The following NRXN1 variants were observed in gnomAD, a reference collection of about 807,000 sequenced individuals.
NRXN1 encodes the protein neurexin 1.
A neutral mutation model predicts 150.9 loss-of-function variants in NRXN1; 39 were observed. The observed-to-expected ratio is 0.26, with a 90% confidence interval of 0.20 to 0.34. The LOEUF (loss-of-function observed/expected upper bound fraction) is 0.34, where lower values mean the gene tolerates loss of function less well. Among genes scored for constraint, NRXN1 ranks in the 10% least tolerant of loss-of-function variants. The probability of loss-of-function intolerance (pLI) is 1.00; values close to 1 mark genes in which losing one functional copy is unlikely to be tolerated. For synonymous variants in NRXN1, 924 were observed against 757.0 expected (o/e 1.22, Z -3.62); for missense variants, 1,815 against 1,949.9 (o/e 0.93, Z 1.30).
chr2:50,304,250 T>C (rs2074415894), intron 17 of NRXN1, among the ~76,000 whole-genome samples: 1 of 152,136 alleles, frequency 6.6e-6, no homozygotes, highest in Non-Finnish European at 1.5e-5. Flanking sequence ...CCCAGAACTG[T>C]GCACATTAGG....
chr2:50,428,289 C>T (rs1039129102), intron 17 of NRXN1, among the ~76,000 whole-genome samples: 1 of 152,114 alleles, frequency 6.6e-6, no homozygotes, highest in African/African-American at 2.4e-5. Flanking sequence ...GTGGCACACA[C>T]CTGTGGTCTC....
chr2:49,980,704 G>A (rs72887814), intron 21 of NRXN1, among the ~76,000 whole-genome samples: 2,954 of 152,226 alleles, frequency 0.019, 102 homozygotes, highest in African/African-American at 0.067. Context: ...TAGGGCACTT[G>A]GCTGAATTGG....
chr2:50,752,520 C>T (rs1442039492), intron 5 of NRXN1, among the ~76,000 whole-genome samples: 3 of 151,880 alleles, frequency 2.0e-5, no homozygotes, highest in Non-Finnish European at 4.4e-5. Flanking sequence ...AGAGATGAAT[C>T]GTGAAGCAAT....
intron 21 of NRXN1, among the ~76,000 whole-genome samples, chr2:50,002,302 A>G (rs534756395): frequency 4.6e-5 from 7 of 152,138 alleles, no homozygotes; most frequent in African/African-American, 7.2e-5. Flanking sequence ...AAGGGAGGAA[A>G]CGAAAAAGCT....
At chr2:50,656,054 T>C (rs1428415070) in intron 5 of NRXN1, among the ~76,000 whole-genome samples, 2 of 151,868 alleles carry the variant, frequency 1.3e-5, no homozygotes, top group Non-Finnish European at 2.9e-5. Flanking sequence ...TCAAAATAAA[T>C]CTGGAATCTA....
intron 5 of NRXN1, among the ~76,000 whole-genome samples, chr2:50,812,456 G>C (rs1428006080): frequency 6.6e-6 from 1 of 152,100 alleles, no homozygotes; most frequent in South Asian, 2.1e-4. Flanking sequence ...TAGAAAATTT[G>C]AGATTTTGGT....
rs1670228922 is a variant in NRXN1 at position 50,568,755 on chromosome 2, A to G, written c.1321-15730T>C. The stretch of plus-strand genomic sequence containing the variant: ...TGGAGTTTCCTCAAAAAAACTAAAA[A>G]TAGAACTACCATATGATCCAGCAAC... On this transcript the variant is annotated intron_variant, in intron 8 of 22. Coordinates refer to ENST00000401669, the MANE Select transcript of NRXN1 (RefSeq NM_001330078.2). Among the ~76,000 whole-genome samples the G allele has an allele frequency of 2.6e-5, 4 of 152,278 alleles. No individual in the cohort carries two copies. The South Asian group carries it at 8.3e-4, about 32-fold the overall frequency.
chr2:50,994,248 TCA>T (rs750297786), intron 2 of NRXN1, among the ~76,000 whole-genome samples: 3 of 151,656 alleles, frequency 2.0e-5, no homozygotes, highest in South Asian at 2.1e-4. Context: ...ATAAACAATC[TCA>T]CACACACACA....
At chr2:50,439,824 AAAAAAAG>A in intron 17 of NRXN1, among the ~76,000 whole-genome samples, 1 of 151,272 alleles carries the variant, frequency 6.6e-6, no homozygotes, top group South Asian at 2.1e-4. Context: ...CTCAAAAAAA[AAAAAAAG>A]AAAAGAAAGA....
intron 18 of NRXN1, among the ~76,000 whole-genome samples, chr2:50,201,865 C>A (rs2152834192): frequency 6.6e-6 from 1 of 152,290 alleles, no homozygotes; most frequent in South Asian, 2.1e-4. Context: ...ACAGAGCTAG[C>A]ATCACATTGT....
At chr2:50,544,178 G>C (rs1253241982) in intron 9 of NRXN1, among the ~76,000 whole-genome samples, 1 of 152,012 alleles carries the variant, frequency 6.6e-6, no homozygotes, top group Non-Finnish European at 1.5e-5. Flanking sequence ...AAATTTACTT[G>C]TCAAATTCCT....
chr2:50,839,530 A>G (rs1332107850), intron 5 of NRXN1, among the ~76,000 whole-genome samples: 1 of 152,138 alleles, frequency 6.6e-6, no homozygotes, highest in Non-Finnish European at 1.5e-5. Flanking sequence ...TTATTTAACT[A>G]ATTTTTGAAA....
At chr2:50,293,020 T>G (rs1296480506) in intron 17 of NRXN1, among the ~76,000 whole-genome samples, 3 of 152,206 alleles carry the variant, frequency 2.0e-5, no homozygotes, top group African/African-American at 7.2e-5. Context: ...AAAAACCTAC[T>G]GAAGACATAC....
chr2:50,538,213 T>C, intron 10 of NRXN1, 40 bp downstream of exon 10: 1 of 1,576,984 alleles, frequency 6.3e-7, no homozygotes, highest in East Asian at 2.2e-5. Flanking sequence ...AATAAACTTT[T>C]CATCTCAGGG....
intron 2 of NRXN1, among the ~76,000 whole-genome samples, chr2:50,966,715 T>C (rs1251037594): frequency 2.0e-5 from 3 of 151,852 alleles, no homozygotes; most frequent in African/African-American, 4.8e-5. Context: ...AAATGTTGTA[T>C]GGGTAGATTG....
chr2:50,576,485 CT>C (rs1212518071), intron 8 of NRXN1, among the ~76,000 whole-genome samples: 2 of 151,994 alleles, frequency 1.3e-5, no homozygotes, highest in South Asian at 4.1e-4. Flanking sequence ...TGTTTTTACT[CT>C]TTTTTCCCCC....
chr2:50,041,900 G>A (rs1292018838), intron 21 of NRXN1, among the ~76,000 whole-genome samples: 1 of 152,068 alleles, frequency 6.6e-6, no homozygotes, highest in Non-Finnish European at 1.5e-5. Context: ...ATGTTAATCT[G>A]TAACCTGGTA....
chr2:50,932,440 C>T (rs1053214415), intron 2 of NRXN1, among the ~76,000 whole-genome samples: 1 of 152,038 alleles, frequency 6.6e-6, no homozygotes. Context: ...TAGATTGTTA[C>T]CCATTTTGCC....
chr2:50,791,699 T>C (rs1234778459), intron 5 of NRXN1, among the ~76,000 whole-genome samples: 1 of 152,200 alleles, frequency 6.6e-6, no homozygotes, highest in Non-Finnish European at 1.5e-5. Flanking sequence ...ATAGCCGCAA[T>C]TATACTCCCT....
Sources: gnomAD v4.1 joint callset for allele counts (sites outside exome capture counted in the v4.1 genomes callset) on GRCh38, gnomAD v4.1.1 for gene constraint, MANE v1.5 for transcripts, NCBI Gene and HGNC (gene_info 2026-07-23, HGNC 2026-07-21) for gene names.